SIRT2: variants seen among roughly 807,000 people sequenced by gnomAD.
SIRT2 encodes the protein NAD-dependent protein deacetylase sirtuin-2.
In SIRT2, 40 loss-of-function variants were observed where a neutral mutation model predicts 57.4. That is an observed-to-expected ratio of 0.70 (90% confidence interval 0.54 to 0.91). SIRT2 has a LOEUF of 0.91. SIRT2 is among the 40% of genes least tolerant of loss of function. The pLI is 0.00. For missense variants in SIRT2, 439 were observed against 510.4 expected (o/e 0.86, Z 1.35); for synonymous variants, 161 against 195.7 (o/e 0.82, Z 1.48).
intron 10 of SIRT2, 121 bp downstream of exon 10, chr19:38,881,311 G>T: frequency 8.6e-7 from 1 of 1,167,026 alleles, no homozygotes; most frequent in Non-Finnish European, 1.3e-6. Flanking sequence ...TGGATCTGGG[G>T]CACTGTTCAG....
intron 9 of SIRT2, among the ~76,000 whole-genome samples, chr19:38,881,935 C>T (rs1182962195): frequency 6.7e-6 from 1 of 148,302 alleles, no homozygotes; most frequent in Non-Finnish European, 1.5e-5. Flanking sequence ...CAAATCTGCC[C>T]ACTTTGGCTT....
At chr19:38,886,511 T>C (rs768536143) in intron 8 of SIRT2, among the ~76,000 whole-genome samples, 3 of 151,592 alleles carry the variant, frequency 2.0e-5, no homozygotes, top group Non-Finnish European at 4.4e-5. Context: ...TGGAGTACAG[T>C]AGCTTGATCA....
At chr19:38,894,124 T>C in intron 2 of SIRT2, 1 of 598,068 alleles carries the variant, frequency 1.7e-6, no homozygotes, top group South Asian at 2.2e-5. Context: ...TGAGACAGTG[T>C]CTCGCTCTGT....
At chr19:38,897,822 G>A (rs1973772459) in intron 2 of SIRT2, among the ~76,000 whole-genome samples, 1 of 152,112 alleles carries the variant, frequency 6.6e-6, no homozygotes, top group Non-Finnish European at 1.5e-5. Flanking sequence ...CACTGTGTCT[G>A]GCCCTGAGTT....
In SIRT2 at chr19:38,879,007, G is replaced by A; in HGVS notation, c.*148C>T. ...GCTGGGGTTGGGGGCCAGGGTTGCT[G>A]GGACCCCAGTTTTGGGGAGGGAGCT... On this transcript the variant is annotated 3_prime_UTR_variant, in exon 16 of 16. Transcript: ENST00000249396. 2.5e-6 allele frequency: 2 copies of A among 815,794 alleles called. No homozygotes were observed. Among genetic ancestry groups the A allele is most frequent in the South Asian group, 4.1e-5 (2 of 48,576 alleles). 50.5% of individuals were successfully genotyped at this position (815,794 alleles called of 1,614,324 possible). A position where few individuals can be genotyped will look rare whatever the true frequency, so the allele number is the denominator to read the frequency against.
At chr19:38,892,651 G>A (rs982966417) in intron 4 of SIRT2, among the ~76,000 whole-genome samples, 3 of 151,760 alleles carry the variant, frequency 2.0e-5, no homozygotes, top group African/African-American at 4.8e-5. Flanking sequence ...ATAGCTCACT[G>A]CAGCCTCCAA....
chr19:38,899,084 G>A (rs2073771733), intron 1 of SIRT2, among the ~76,000 whole-genome samples: 1 of 152,080 alleles, frequency 6.6e-6, no homozygotes, highest in South Asian at 2.1e-4. Flanking sequence ...TAGGAGGGAG[G>A]TGCAGTGGTG....
At position 38,880,438 on chromosome 19, in the gene SIRT2, C is replaced by T; in HGVS notation, c.876+247G>A. ...TGACCCCTGCACCCCCTCCCACCTC[C>T]TCAGTCCCTGGAAGCCCGGCCTTCC... On this transcript the variant is annotated intron_variant, in intron 13 of 15. Coordinates refer to ENST00000249396, the MANE Select transcript of SIRT2 (RefSeq NM_012237.4). This position sits in a 1 kb window ranked among gnomAD's most constrained non-coding sequence, Gnocchi z 4.1. The T allele has an allele frequency of 4.4e-6, 2 of 457,016 alleles. No individual in the cohort carries two copies. The highest frequency in any genetic ancestry group is 3.9e-6 in the Non-Finnish European group (1 of 259,240). 28.3% of individuals were successfully genotyped at this position (457,016 alleles called of 1,614,324 possible).
Position 38,879,476 on chromosome 19 carries a change from G to C in SIRT2, c.972C>G (p.Cys324Trp), listed in dbSNP as rs192567608. 1.5e-5 allele frequency: 24 copies of C among 1,604,534 alleles called. No individual in the cohort carries two copies. Among genetic ancestry groups the C allele is most frequent in the Non-Finnish European group, 2.0e-5 (24 of 1,175,562 alleles). The change falls in exon 15 of 16, where the codon TGC becomes TGG. Residue 324 changes from cysteine (C) to tryptophan (W), a missense_variant. Transcript: ENST00000249396. ...AYRDVAWLGECDQGCLALAEL... is the reference protein window; with the variant it reads ...AYRDVAWLGEWDQGCLALAEL... ...CAGCAAGGGCCAGGCAGCCCTGGTC[G>C]CATTCACCCAGCCAGGCCACGTCCC...
chr19:38,890,598 G>A (rs1357260390), intron 4 of SIRT2: 4 of 179,376 alleles, frequency 2.2e-5, no homozygotes, highest in South Asian at 1.1e-4. Flanking sequence ...GCTGAGGCAG[G>A]AGAATCACTT....
chr19:38,885,530 A>C (rs944714498), intron 8 of SIRT2, among the ~76,000 whole-genome samples: 1 of 148,906 alleles, frequency 6.7e-6, no homozygotes, highest in Non-Finnish European at 1.5e-5. Flanking sequence ...AGTTCAAGCA[A>C]TTCTCCCTGC....
At position 38,893,056 on chromosome 19, in the gene SIRT2, A is replaced by G. The variant is rs536887561; in HGVS notation, c.226+358T>C. On this transcript the variant is annotated intron_variant, in intron 4 of 15. Coordinates refer to ENST00000249396, the MANE Select transcript of SIRT2 (RefSeq NM_012237.4). The stretch of plus-strand genomic sequence containing the variant: ...GCAGGCATTTGACTCAACCGGGACC[A>G]ATGGGAGCCAATCTCTGCTGTTTGG... Among the ~76,000 whole-genome samples the G allele has an allele frequency of 1.3e-4, 20 of 151,962 alleles. No individual in the cohort carries two copies. In the South Asian group the frequency reaches 4.2e-3, roughly 32 times the overall value.
chr19:38,894,132 T>C, intron 2 of SIRT2: 1 of 553,408 alleles, frequency 1.8e-6, no homozygotes, highest in Non-Finnish European at 3.1e-6. Flanking sequence ...TGTCTCGCTC[T>C]GTTGCCCAGG....
intron 2 of SIRT2, 192 bp from the exon 3 acceptor site, chr19:38,894,059 G>A (rs1973639352): frequency 1.6e-6 from 2 of 1,212,770 alleles, no homozygotes; most frequent in Admixed American, 2.9e-5. Context: ...TCCTGGCCAT[G>A]CCCGTCCCCA....
chr19:38,888,994 G>A, intron 8 of SIRT2, 93 bp downstream of exon 8: 1 of 1,192,362 alleles, frequency 8.4e-7, no homozygotes, highest in African/African-American at 1.5e-5. Context: ...GTCCCCGCCT[G>A]AGCTCTTGGG....
At chr19:38,884,669 G>T (rs1192664065) in intron 8 of SIRT2, among the ~76,000 whole-genome samples, 1 of 152,008 alleles carries the variant, frequency 6.6e-6, no homozygotes, top group Admixed American at 6.6e-5. Context: ...GGCTGGTCTC[G>T]AACTCTGGAC....
intron 4 of SIRT2, among the ~76,000 whole-genome samples, chr19:38,892,395 CAA>C (rs563077354): frequency 5.5e-5 from 7 of 126,576 alleles, no homozygotes; most frequent in African/African-American, 5.8e-5. Flanking sequence ...GACTCCATCT[CAA>C]AAAAAAAAAA....
At chr19:38,891,527 T>G (rs772365331) in intron 4 of SIRT2, among the ~76,000 whole-genome samples, 1 of 151,784 alleles carries the variant, frequency 6.6e-6, no homozygotes, top group Non-Finnish European at 1.5e-5. Context: ...CCAGCCTGGG[T>G]AACAGAGTGA....
chr19:38,895,293 G>A (rs961722191), intron 2 of SIRT2, among the ~76,000 whole-genome samples: 5 of 152,156 alleles, frequency 3.3e-5, no homozygotes, highest in South Asian at 2.1e-4. Flanking sequence ...GGGTCAGCTC[G>A]CCCCTCTCCA....
Sources: allele counts gnomAD v4.1 joint callset (sites outside exome capture counted in the v4.1 genomes callset), GRCh38; gene constraint gnomAD v4.1.1; non-coding constraint Gnocchi (gnomAD v3.1); transcripts MANE v1.5; gene names NCBI Gene and HGNC (gene_info 2026-07-23, HGNC 2026-07-21).